The following CAMK4 variants were observed in gnomAD, a reference collection of about 807,000 sequenced individuals.
CAMK4 encodes calcium/calmodulin dependent protein kinase IV.
A neutral mutation model predicts 44.9 loss-of-function variants in CAMK4; 22 were observed. The ratio of observed to expected loss-of-function variants is 0.49; its 90% confidence interval spans 0.35 to 0.70. The LOEUF is 0.70. CAMK4 is among the 30% of genes least tolerant of loss of function. The pLI is 0.01. For missense variants in CAMK4, 498 were observed against 586.8 expected, an observed-to-expected ratio of 0.85 and a Z score of 1.56; for synonymous variants, 218 against 215.4, an observed-to-expected ratio of 1.01 and a Z score of -0.11.
chr5:111,311,655 C>G (rs1351208001), intron 1 of CAMK4, among the ~76,000 whole-genome samples: 1 of 152,156 alleles, frequency 6.6e-6, no homozygotes, highest in African/African-American at 2.4e-5. Flanking sequence ...TTGAAGGATT[C>G]TTTGCTCTTC....
intron 1 of CAMK4, among the ~76,000 whole-genome samples, chr5:111,323,223 A>C (rs1326830218): frequency 2.0e-5 from 3 of 152,082 alleles, no homozygotes; most frequent in East Asian, 3.9e-4. Context: ...ACCAAAGATA[A>C]AGAGAAAATC....
chr5:111,395,230 A>AAAAAAAAAAAAG (rs1561460468), intron 5 of CAMK4, among the ~76,000 whole-genome samples: 11 of 106,456 alleles, frequency 1.0e-4, no homozygotes, highest in South Asian at 3.1e-4. Flanking sequence ...AAAAAAAAGA[A>AAAAAAAAAAAAG]AAAAAAAAAG....
chr5:111,262,259 G>A (rs1037121324), intron 1 of CAMK4, among the ~76,000 whole-genome samples: 1 of 152,102 alleles, frequency 6.6e-6, no homozygotes, highest in African/African-American at 2.4e-5. Context: ...ACCAAAGGGG[G>A]AGGAGTTTCT....
At chr5:111,286,625 T>C (rs1259748095) in intron 1 of CAMK4, among the ~76,000 whole-genome samples, 1 of 152,174 alleles carries the variant, frequency 6.6e-6, no homozygotes, top group Non-Finnish European at 1.5e-5. Flanking sequence ...TACATGCTAT[T>C]TGCTATGTAT....
chr5:111,230,567 A>G (rs1364877012), intron 1 of CAMK4, among the ~76,000 whole-genome samples: 14 of 71,314 alleles, frequency 2.0e-4, no homozygotes, highest in Admixed American at 6.6e-4. Flanking sequence ...TTTTGGGGGA[A>G]AAAAAAAAAA....
intron 7 of CAMK4, among the ~76,000 whole-genome samples, chr5:111,451,362 A>G (rs1215494409): frequency 1.3e-5 from 2 of 152,140 alleles, no homozygotes; most frequent in East Asian, 3.9e-4. Flanking sequence ...TTTGAGACAG[A>G]TCTCGGCTTA....
chr5:111,258,781 G>GTA (rs1749853585), intron 1 of CAMK4, among the ~76,000 whole-genome samples: 2 of 146,996 alleles, frequency 1.4e-5, no homozygotes, highest in African/African-American at 5.1e-5. Flanking sequence ...GTGTGTGTGT[G>GTA]TGCAGTCTTA....
At chr5:111,230,778 T>A (rs896213239) in intron 1 of CAMK4, among the ~76,000 whole-genome samples, 2 of 152,178 alleles carry the variant, frequency 1.3e-5, no homozygotes, top group Non-Finnish European at 2.9e-5. Context: ...CAACTACTAG[T>A]TATTTTTTGT....
At chr5:111,460,447 A>G (rs1357499504) in intron 7 of CAMK4, among the ~76,000 whole-genome samples, 1 of 151,294 alleles carries the variant, frequency 6.6e-6, no homozygotes, top group South Asian at 2.1e-4. Flanking sequence ...AATTTTTTGT[A>G]TTTTAGTAGA....
At chr5:111,350,253 C>G (rs931436870) in intron 2 of CAMK4, among the ~76,000 whole-genome samples, 2 of 151,982 alleles carry the variant, frequency 1.3e-5, no homozygotes, top group African/African-American at 4.8e-5. Context: ...GAACATTATT[C>G]TTATTAATTG....
At chr5:111,277,837 A>C (rs1045970581) in intron 1 of CAMK4, among the ~76,000 whole-genome samples, 6 of 152,146 alleles carry the variant, frequency 3.9e-5, no homozygotes, top group African/African-American at 1.4e-4. Flanking sequence ...AATGGTGAGA[A>C]TCTAGGATGT....
At chr5:111,243,150 A>G (rs1435155336) in intron 1 of CAMK4, among the ~76,000 whole-genome samples, 8 of 152,312 alleles carry the variant, frequency 5.3e-5, no homozygotes, top group South Asian at 2.1e-4. Context: ...GACCACTGCA[A>G]TGGGGTCCTG....
At chr5:111,400,593 A>G (rs1483066854) in intron 5 of CAMK4, among the ~76,000 whole-genome samples, 3 of 151,610 alleles carry the variant, frequency 2.0e-5, no homozygotes, top group Admixed American at 6.6e-5. Context: ...TGCCCCACAT[A>G]TTTTACAGTA....
intron 5 of CAMK4, among the ~76,000 whole-genome samples, chr5:111,419,402 A>G (rs975864475): frequency 4.0e-5 from 6 of 151,838 alleles, no homozygotes; most frequent in Non-Finnish European, 8.8e-5. Flanking sequence ...TTGCCTGTTC[A>G]CTCTGATGGT....
intron 2 of CAMK4, among the ~76,000 whole-genome samples, chr5:111,347,776 C>T (rs571768856): frequency 6.6e-6 from 1 of 152,110 alleles, no homozygotes; most frequent in Non-Finnish European, 1.5e-5. Context: ...TGCAACAACA[C>T]AATTTCCAAA....
At chr5:111,464,410 A>G (rs1362744278) in intron 7 of CAMK4, among the ~76,000 whole-genome samples, 3 of 152,218 alleles carry the variant, frequency 2.0e-5, no homozygotes, top group Non-Finnish European at 2.9e-5. Context: ...TGGAAAACAT[A>G]TTTGTGGGAA....
At chr5:111,460,829 CAG>C (rs1431156538) in intron 7 of CAMK4, among the ~76,000 whole-genome samples, 1 of 151,906 alleles carries the variant, frequency 6.6e-6, no homozygotes, top group Non-Finnish European at 1.5e-5. Context: ...GCAAATTTCA[CAG>C]GGCAATAAAA....
chr5:111,349,692 A>G (rs537357519), intron 2 of CAMK4, among the ~76,000 whole-genome samples: 4 of 152,070 alleles, frequency 2.6e-5, no homozygotes, highest in East Asian at 3.9e-4. Flanking sequence ...ATTATAGTTT[A>G]TCTTTCTTCC....
At chr5:111,418,376 G>A (rs918416638) in intron 5 of CAMK4, among the ~76,000 whole-genome samples, 1 of 152,106 alleles carries the variant, frequency 6.6e-6, no homozygotes, top group Non-Finnish European at 1.5e-5. Context: ...ACAGGATGGG[G>A]TGAAATTAAA....
Sources: gnomAD v4.1 joint callset for allele counts (sites outside exome capture counted in the v4.1 genomes callset) on GRCh38, gnomAD v4.1.1 for gene constraint, MANE v1.5 for transcripts, NCBI Gene and HGNC (gene_info 2026-07-23, HGNC 2026-07-21) for gene names.